CLIP1: variants seen among roughly 807,000 people sequenced by gnomAD.
CLIP1 encodes CAP-Gly domain-containing linker protein 1.
CLIP1 carries 66 observed loss-of-function variants against 161.6 expected under a neutral mutation model. That is an observed-to-expected ratio of 0.41 (90% CI 0.33 to 0.50). The LOEUF (loss-of-function observed/expected upper bound fraction) is 0.50, where lower values mean the gene tolerates loss of function less well. Ranked by LOEUF, CLIP1 falls within the 20% of genes least tolerant of loss-of-function variation. CLIP1 has a pLI of 0.27. For synonymous variants in CLIP1, 598 were observed against 626.2 expected (o/e 0.96, Z 0.67); for missense variants, 1,376 against 1,702.0 (o/e 0.81, Z 3.37).
chr12:122,397,327 T>C (rs1367281674), intron 1 of CLIP1, among the ~76,000 whole-genome samples: 1 of 151,286 alleles, frequency 6.6e-6, no homozygotes, highest in Non-Finnish European at 1.5e-5. Context: ...AGTTCAGGCG[T>C]GTGGCTCATG....
At chr12:122,343,190 A>T (rs1264834920) in intron 10 of CLIP1, 3 of 150,080 alleles carry the variant, frequency 2.0e-5, no homozygotes, top group Non-Finnish European at 4.4e-5. Flanking sequence ...GCCCAGTGCA[A>T]TGGCGCGATC....
chr12:122,416,162 G>A (rs555551034), intron 1 of CLIP1, among the ~76,000 whole-genome samples: 20 of 152,152 alleles, frequency 1.3e-4, no homozygotes, highest in Non-Finnish European at 2.8e-4. Context: ...GCTTGAACCC[G>A]GGAGGCAGAG....
intron 20 of CLIP1, among the ~76,000 whole-genome samples, chr12:122,299,612 C>CAAAAAAAAAAACAAAAAAAAAAACA (rs1950601833): frequency 8.0e-5 from 5 of 62,498 alleles, no homozygotes; most frequent in African/African-American, 2.8e-4. Flanking sequence ...ATAAATTCAG[C>CAAAAAAAAAAACAAAAAAAAAAACA]AAAAAAAAAA....
intron 1 of CLIP1, among the ~76,000 whole-genome samples, chr12:122,414,362 CTGATCTCAAA>C (rs1393215526): frequency 3.3e-5 from 5 of 151,952 alleles, no homozygotes. Flanking sequence ...GTTGCCCAGG[CTGATCTCAAA>C]CTCCTGGACT....
At chr12:122,336,230 C>A (rs140283269) in intron 12 of CLIP1, among the ~76,000 whole-genome samples, 7 of 152,126 alleles carry the variant, frequency 4.6e-5, no homozygotes, top group Admixed American at 2.6e-4. Context: ...AGGGCGCCTA[C>A]GGCCCAGTAC....
intron 1 of CLIP1, among the ~76,000 whole-genome samples, chr12:122,397,457 G>A (rs567085115): frequency 5.5e-5 from 8 of 145,972 alleles, no homozygotes; most frequent in Non-Finnish European, 8.9e-5. Flanking sequence ...AAAATTAGCC[G>A]GGCATAGTGG....
chr12:122,409,161 T>C (rs1956437386), intron 1 of CLIP1, among the ~76,000 whole-genome samples: 1 of 151,368 alleles, frequency 6.6e-6, no homozygotes, highest in South Asian at 2.1e-4. Flanking sequence ...AGTCTTGCTC[T>C]GTTGCCCAGG....
chr12:122,283,463 T>C (rs572339494), intron 21 of CLIP1, among the ~76,000 whole-genome samples: 70 of 147,042 alleles, frequency 4.8e-4, no homozygotes, highest in African/African-American at 1.6e-3. Flanking sequence ...TTTCTTTTCT[T>C]TTTTTTTTTT....
chr12:122,379,943 T>TAAAAAAAAAAAAAAAAAAAACAAAA (rs1566198620), intron 2 of CLIP1, among the ~76,000 whole-genome samples: 1 of 70,418 alleles, frequency 1.4e-5, no homozygotes, highest in Non-Finnish European at 2.9e-5. Flanking sequence ...GACTCCATCT[T>TAAAAAAAAAAAAAAAAAAAACAAAA]TAAAAAAAAA....
At chr12:122,356,912 T>C (rs1456690661) in intron 5 of CLIP1, among the ~76,000 whole-genome samples, 1 of 152,232 alleles carries the variant, frequency 6.6e-6, no homozygotes, top group East Asian at 1.9e-4. Context: ...GGTGCCGAGA[T>C]TGCAGACGGA....
At chr12:122,350,086 G>C (rs1952955861) in intron 9 of CLIP1, among the ~76,000 whole-genome samples, 1 of 151,732 alleles carries the variant, frequency 6.6e-6, no homozygotes. Flanking sequence ...TGTATTTTTA[G>C]TAGAGACAGG....
At chr12:122,392,944 G>T (rs1030041393) in intron 1 of CLIP1, among the ~76,000 whole-genome samples, 1 of 151,794 alleles carries the variant, frequency 6.6e-6, no homozygotes, top group African/African-American at 2.4e-5. Flanking sequence ...ACCACCCCCG[G>T]CTAATTTTTG....
At chr12:122,403,909 TAC>T (rs953696850) in intron 1 of CLIP1, among the ~76,000 whole-genome samples, 2 of 152,168 alleles carry the variant, frequency 1.3e-5, no homozygotes, top group African/African-American at 4.8e-5. Flanking sequence ...TGTGCACATT[TAC>T]ACAGAGTGGT....
At chr12:122,338,633 C>T (rs2136320458) in intron 11 of CLIP1, among the ~76,000 whole-genome samples, 1 of 152,252 alleles carries the variant, frequency 6.6e-6, no homozygotes, top group South Asian at 2.1e-4. Context: ...AGGAGAATCG[C>T]TTGAACCTGG....
chr12:122,406,124 G>C (rs1420922514), intron 1 of CLIP1, among the ~76,000 whole-genome samples: 1 of 152,098 alleles, frequency 6.6e-6, no homozygotes, highest in South Asian at 2.1e-4. Flanking sequence ...CGAAAGATGA[G>C]TAAATATTGT....
chr12:122,410,842 A>ATGAAAGGATGTTCAATATTACTAG (rs1282265233), intron 1 of CLIP1, among the ~76,000 whole-genome samples: 16 of 152,208 alleles, frequency 1.1e-4, no homozygotes, highest in Admixed American at 4.6e-4. Flanking sequence ...CAATAAGCAC[A>ATGAAAGGATGTTCAATATTACTAG]TGAAAGGATG....
intron 11 of CLIP1, among the ~76,000 whole-genome samples, chr12:122,337,162 C>A (rs1013544412): frequency 1.3e-5 from 2 of 151,676 alleles, no homozygotes; most frequent in Non-Finnish European, 2.9e-5. Flanking sequence ...CAGATGGGGT[C>A]TCTGGCTGGG....
At chr12:122,278,077 G>T in intron 24 of CLIP1, 77 bp downstream of exon 24, 1 of 1,348,128 alleles carries the variant, frequency 7.4e-7, no homozygotes, top group South Asian at 1.2e-5. Context: ...GGCATCAAAT[G>T]AGAAGGAAAA....
At chr12:122,296,838 T>G (rs1361182773) in intron 20 of CLIP1, among the ~76,000 whole-genome samples, 2 of 125,826 alleles carry the variant, frequency 1.6e-5, no homozygotes, top group Admixed American at 9.5e-5. Flanking sequence ...CACGCTAGCC[T>G]GGGTGACAAA....
Sources: allele counts gnomAD v4.1 joint callset (sites outside exome capture counted in the v4.1 genomes callset), GRCh38; gene constraint gnomAD v4.1.1; transcripts MANE v1.5; gene names NCBI Gene and HGNC (gene_info 2026-07-23, HGNC 2026-07-21).